Variants in CFAP54 observed in about 807,000 individuals in gnomAD.
The protein encoded by CFAP54 is cilia- and flagella-associated protein 54.
A neutral mutation model predicts 370.4 loss-of-function variants in CFAP54; 290 were observed. That is an observed-to-expected ratio of 0.78 (90% CI 0.71 to 0.86). The LOEUF is 0.86. Among genes scored for constraint, CFAP54 ranks in the 40% least tolerant of loss-of-function variants. The pLI is 0.00. For synonymous variants in CFAP54, 1,206 were observed against 1,236.5 expected, an observed-to-expected ratio of 0.98 and a Z score of 0.52; for missense variants, 3,399 against 3,528.7, an observed-to-expected ratio of 0.96 and a Z score of 0.93.
At chr12:96,580,735 A>T (rs776732442) in intron 21 of CFAP54, 46 bp downstream of exon 21, 1 of 1,293,222 alleles carries the variant, frequency 7.7e-7, no homozygotes, top group South Asian at 1.4e-5. Flanking sequence ...GCCTTTAATG[A>T]TAATTAAATT....
chr12:96,634,291 C>T (rs926357273), intron 32 of CFAP54, among the ~76,000 whole-genome samples: 40 of 151,714 alleles, frequency 2.6e-4, no homozygotes, highest in African/African-American at 9.4e-4. Context: ...CCTGACCTCA[C>T]GATCTACTTG....
intron 45 of CFAP54, 75 bp from the exon 46 acceptor site, chr12:96,699,896 T>C: frequency 7.9e-7 from 1 of 1,265,998 alleles, no homozygotes; most frequent in South Asian, 1.4e-5. Flanking sequence ...AAGTTGACGA[T>C]TTTCTCTATA....
chr12:96,848,924 G>A (rs1486877019), intron 66 of CFAP54, among the ~76,000 whole-genome samples: 1 of 152,136 alleles, frequency 6.6e-6, no homozygotes, highest in East Asian at 1.9e-4. Context: ...CTGTTAGATT[G>A]GGGAGAATAT....
intron 25 of CFAP54, 32 bp downstream of exon 25, chr12:96,594,478 A>G (rs998121482): frequency 1.4e-6 from 2 of 1,414,612 alleles, no homozygotes; most frequent in Non-Finnish European, 1.9e-6. Flanking sequence ...AGAGAAGGGA[A>G]TCTTTATAAA....
Position 96,799,394 on chromosome 12 carries a change from T to C in CFAP54, c.8850+6895T>C, listed in dbSNP as rs74868922. On this transcript the variant is annotated intron_variant, in intron 63 of 67. Transcript: ENST00000524981. ...TTGCTTTTTGTGTTCTGCATTGGTC[T>C]ATTCTTGCACTTCCCAGCTCTTGAG... 8.8e-3 allele frequency among the ~76,000 whole-genome samples: 1,337 copies of C among 152,342 alleles called. 54 individuals are homozygous for C. In the East Asian group the frequency reaches 0.1, roughly 12 times the overall value.
intron 26 of CFAP54, among the ~76,000 whole-genome samples, chr12:96,617,273 G>T (rs931844136): frequency 2.6e-5 from 4 of 152,154 alleles, no homozygotes; most frequent in African/African-American, 9.7e-5. Context: ...CCTGGAGCTC[G>T]GGAGATGTGA....
rs1450916500 is a variant in CFAP54 at position 96,711,832 on chromosome 12, GTATT to G, written c.6724+3033_6724+3036del. 2.0e-5 allele frequency among the ~76,000 whole-genome samples: 3 copies of G among 152,292 alleles called. No homozygotes were observed. In the East Asian group the frequency reaches 5.8e-4, roughly 29 times the overall value. ...AACAATGTGTTTTTGAGATTTATCT[GTATT>G]TATGTTTGTAGCTGTGGTTCCTTTA... On this transcript the variant is annotated intron_variant, in intron 48 of 67. Transcript: ENST00000524981.
At chr12:96,703,410 T>C (rs1957513335) in intron 46 of CFAP54, among the ~76,000 whole-genome samples, 2 of 152,134 alleles carry the variant, frequency 1.3e-5, no homozygotes, top group South Asian at 4.1e-4. Context: ...CTACAGGTAC[T>C]TGAGTAGGAC....
intron 7 of CFAP54, 38 bp from the exon 8 acceptor site, chr12:96,522,050 C>T (rs1294732840): frequency 1.3e-6 from 2 of 1,525,804 alleles, no homozygotes; most frequent in African/African-American, 1.4e-5. Context: ...AAGTGCATCT[C>T]ATTGTTATTT....
intron 25 of CFAP54, among the ~76,000 whole-genome samples, chr12:96,598,329 T>G (rs993625353): frequency 6.6e-6 from 1 of 152,044 alleles, no homozygotes; most frequent in Non-Finnish European, 1.5e-5. Context: ...TGTGATAGTT[T>G]TTCAAATACA....
intron 23 of CFAP54, among the ~76,000 whole-genome samples, chr12:96,591,598 A>AT (rs967692538): frequency 5.3e-5 from 8 of 151,346 alleles, no homozygotes; most frequent in Non-Finnish European, 1.0e-4. Flanking sequence ...ATTTAGAAAT[A>AT]TTTTTTTTTG....
chr12:96,631,446 C>A (rs193047751), intron 32 of CFAP54, among the ~76,000 whole-genome samples: 3 of 150,662 alleles, frequency 2.0e-5, no homozygotes, highest in Non-Finnish European at 4.5e-5. Context: ...CCAAATAATG[C>A]ATGCTGTAAT....
At chr12:96,531,345 A>G (rs1054819429) in intron 9 of CFAP54, among the ~76,000 whole-genome samples, 2 of 151,778 alleles carry the variant, frequency 1.3e-5, no homozygotes, top group African/African-American at 4.8e-5. Context: ...ATCTTTTACA[A>G]TTTTCTCTTT....
At chr12:96,727,493 T>C (rs1250364004) in intron 50 of CFAP54, among the ~76,000 whole-genome samples, 1 of 142,434 alleles carries the variant, frequency 7.0e-6, no homozygotes, top group Non-Finnish European at 1.5e-5. Flanking sequence ...AGACTAGGAT[T>C]GCAACCCCTG....
At chr12:96,576,820 A>G (rs1446197348) in intron 20 of CFAP54, 59 bp downstream of exon 20, 4 of 1,327,600 alleles carry the variant, frequency 3.0e-6, no homozygotes, top group African/African-American at 3.0e-5. Context: ...TTTTATAACT[A>G]CCATGATTCA....
chr12:96,773,698 C>A lies in CFAP54; in HGVS notation c.8281+8480C>A, dbSNP rs187073284. On this transcript the variant is annotated intron_variant, in intron 60 of 67. Transcript: ENST00000524981. ...TTTTTCCAAATCATCACATAAGCAG[C>A]TTTTTTATGGCTGTATAATATTCCT... Among the ~76,000 whole-genome samples the A allele has an allele frequency of 6.6e-5, 10 of 152,178 alleles. No homozygotes were observed. In the East Asian group the frequency reaches 1.7e-3, roughly 26 times the overall value.
chr12:96,648,936 G>T (rs925318514), intron 34 of CFAP54, among the ~76,000 whole-genome samples: 1 of 152,068 alleles, frequency 6.6e-6, no homozygotes, highest in Non-Finnish European at 1.5e-5. Flanking sequence ...GTAGTCTGAC[G>T]AACCTGACTA....
At chr12:96,791,184 CTTTT>C (rs369132463) in intron 62 of CFAP54, among the ~76,000 whole-genome samples, 4 of 131,406 alleles carry the variant, frequency 3.0e-5, no homozygotes, top group Non-Finnish European at 4.9e-5. Context: ...TTGAAGAACG[CTTTT>C]TTTTTTTTTT....
At chr12:96,490,670 C>T (rs1478270542) in intron 1 of CFAP54, among the ~76,000 whole-genome samples, 6 of 151,470 alleles carry the variant, frequency 4.0e-5, no homozygotes, top group African/African-American at 1.2e-4. Flanking sequence ...CCAGCCTGGG[C>T]GACAGAGCAA....
Sources: allele counts gnomAD v4.1 joint callset (sites outside exome capture counted in the v4.1 genomes callset), GRCh38; gene constraint gnomAD v4.1.1; transcripts MANE v1.5; gene names NCBI Gene and HGNC (gene_info 2026-07-23, HGNC 2026-07-21).